The following ZNF385D variants were observed in gnomAD, a reference collection of about 807,000 sequenced individuals.
The protein encoded by ZNF385D is zinc finger protein 385D.
Under a neutral mutation model 35.8 loss-of-function variants are expected in ZNF385D, and 15 were observed. That is an observed-to-expected ratio of 0.42 (90% CI 0.28 to 0.64). ZNF385D has a LOEUF of 0.64. Among genes scored for constraint, ZNF385D ranks in the 30% least tolerant of loss-of-function variants. The pLI, the probability that ZNF385D is intolerant of heterozygous loss-of-function variation, is 0.23. For missense variants in ZNF385D, 474 were observed against 494.6 expected (o/e 0.96, Z 0.39); for synonymous variants, 212 against 186.8 (o/e 1.13, Z -1.10).
At chr3:21,969,391 A>C (rs887549733) in intron 3 of ZNF385D, among the ~76,000 whole-genome samples, 3 of 152,144 alleles carry the variant, frequency 2.0e-5, no homozygotes, top group African/African-American at 4.8e-5. Context: ...TAAGGGGCTC[A>C]TCCCTCTTTG....
At chr3:22,339,730 C>G (rs1293123197) in intron 2 of ZNF385D, among the ~76,000 whole-genome samples, 4 of 152,300 alleles carry the variant, frequency 2.6e-5, no homozygotes, top group South Asian at 2.1e-4. Flanking sequence ...CCTTAGAAAT[C>G]AGTACACTGG....
intron 3 of ZNF385D, among the ~76,000 whole-genome samples, chr3:21,529,947 G>A (rs1413664245): frequency 5.9e-5 from 9 of 152,316 alleles, no homozygotes; most frequent in Non-Finnish European, 1.2e-4. Context: ...GATCCCCAGT[G>A]TTAGAGGTGG....
chr3:21,553,045 T>C (rs533063303), intron 3 of ZNF385D, among the ~76,000 whole-genome samples: 8 of 152,026 alleles, frequency 5.3e-5, no homozygotes, highest in Non-Finnish European at 1.2e-4. Flanking sequence ...GCCCTTGCTG[T>C]TTTTGAAGAT....
At chr3:21,677,907 G>C (rs1196644109) in intron 1 of ZNF385D, among the ~76,000 whole-genome samples, 3 of 151,866 alleles carry the variant, frequency 2.0e-5, no homozygotes, top group Admixed American at 2.0e-4. Flanking sequence ...TTTAATGCTC[G>C]TTCTTTGTAA....
intron 3 of ZNF385D, among the ~76,000 whole-genome samples, chr3:22,163,094 C>G (rs187318362): frequency 8.4e-4 from 128 of 152,228 alleles, no homozygotes; most frequent in Middle Eastern, 3.4e-3. Flanking sequence ...GACTTTGTAC[C>G]TCAGCATTGA....
intron 4 of ZNF385D, among the ~76,000 whole-genome samples, chr3:21,479,187 G>A (rs1704441986): frequency 6.7e-6 from 1 of 150,188 alleles, no homozygotes. Context: ...GAGGAGTCTA[G>A]AGCTCTAAGT....
chr3:22,201,887 A>G (rs1240575731), intron 2 of ZNF385D, among the ~76,000 whole-genome samples: 2 of 151,898 alleles, frequency 1.3e-5, no homozygotes, highest in Non-Finnish European at 2.9e-5. Flanking sequence ...AAATATAATC[A>G]GTTGCCTACT....
intron 3 of ZNF385D, among the ~76,000 whole-genome samples, chr3:21,928,247 A>T (rs1700832136): frequency 7.3e-6 from 1 of 137,518 alleles, no homozygotes; most frequent in African/African-American, 2.7e-5. Context: ...CGGAAGGAAG[A>T]AAGGAAGGAA....
chr3:21,551,311 AACATTGTCCTTAG>A (rs1459130665), intron 3 of ZNF385D, among the ~76,000 whole-genome samples: 1 of 152,216 alleles, frequency 6.6e-6, no homozygotes, highest in Non-Finnish European at 1.5e-5. Context: ...CAGAGACATG[AACATTGTCCTTAG>A]CCAGCTAATG....
At chr3:21,675,307 CT>C (rs137884578) in intron 1 of ZNF385D, among the ~76,000 whole-genome samples, 4,409 of 152,062 alleles carry the variant, frequency 0.029, 81 homozygotes, top group Middle Eastern at 0.058. Flanking sequence ...TAAATTTATG[CT>C]ATCTCATAAA....
intron 3 of ZNF385D, among the ~76,000 whole-genome samples, chr3:22,032,859 G>A (rs566986148): frequency 4.6e-5 from 7 of 152,204 alleles, no homozygotes; most frequent in Middle Eastern, 3.4e-3. Context: ...CTGAGCTAGC[G>A]TTCCCATTAT....
chr3:21,937,199 T>G (rs573230013), intron 3 of ZNF385D, among the ~76,000 whole-genome samples: 2 of 152,150 alleles, frequency 1.3e-5, no homozygotes, highest in Non-Finnish European at 2.9e-5. Context: ...ACTATTTTTT[T>G]TTCACAGATG....
rs183405993 is a variant in ZNF385D, at chr3:22,030,299, A to C, written c.325+138518T>G. ...TATATATATATATATATATATATATATATCCTATTTGGTCCATCCCTCGAA... is the reference window on the plus strand; with the variant it reads ...TATATATATATATATATATATATATCTATCCTATTTGGTCCATCCCTCGAA... On this transcript the variant is annotated intron_variant, in intron 3 of 5. Transcript: ENST00000494108. Among the ~76,000 whole-genome samples the C allele has an allele frequency of 8.0e-4, 92 of 114,734 alleles. 3 individuals carry two copies. Among genetic ancestry groups the C allele is most frequent in the Admixed American group, 4.7e-3 (46 of 9,738 alleles). 75.3% of individuals were successfully genotyped at this position (114,734 alleles called of 152,430 possible).
chr3:22,234,156 T>G (rs1699048408), intron 2 of ZNF385D, among the ~76,000 whole-genome samples: 1 of 152,142 alleles, frequency 6.6e-6, no homozygotes, highest in Admixed American at 6.5e-5. Flanking sequence ...GGGATTTATA[T>G]TTTACTTTCC....
At chr3:22,064,816 A>C (rs887143999) in intron 3 of ZNF385D, among the ~76,000 whole-genome samples, 2 of 152,216 alleles carry the variant, frequency 1.3e-5, no homozygotes, top group Non-Finnish European at 2.9e-5. Flanking sequence ...TGATGATCAA[A>C]GGGTATAAAG....
intron 3 of ZNF385D, among the ~76,000 whole-genome samples, chr3:21,759,432 G>A (rs922900291): frequency 2.6e-5 from 4 of 152,128 alleles, no homozygotes; most frequent in Non-Finnish European, 5.9e-5. Context: ...CATATTGGAT[G>A]AGATCTCCCA....
At chr3:22,183,611 C>A (rs764249914) in intron 2 of ZNF385D, among the ~76,000 whole-genome samples, 33 of 152,150 alleles carry the variant, frequency 2.2e-4, no homozygotes, top group Non-Finnish European at 3.2e-4. Context: ...CCGCCTCGGC[C>A]TCCCGAGAAT....
At chr3:21,917,160 G>C (rs1402073898) in intron 3 of ZNF385D, among the ~76,000 whole-genome samples, 1 of 152,166 alleles carries the variant, frequency 6.6e-6, no homozygotes, top group Admixed American at 6.5e-5. Flanking sequence ...GGCCTGGTGC[G>C]GTGGCTCATG....
intron 3 of ZNF385D, among the ~76,000 whole-genome samples, chr3:22,030,379 G>C (rs114276382): frequency 7.1e-6 from 1 of 141,212 alleles, no homozygotes; most frequent in Non-Finnish European, 1.5e-5. Flanking sequence ...GGTTTAAGAG[G>C]CCTCAGGAAA....
Sources: gnomAD v4.1 joint callset for allele counts (sites outside exome capture counted in the v4.1 genomes callset) on GRCh38, gnomAD v4.1.1 for gene constraint, MANE v1.5 for transcripts, NCBI Gene and HGNC (gene_info 2026-07-23, HGNC 2026-07-21) for gene names.